Variants in SMG6 observed in about 807,000 individuals in gnomAD.
SMG6 encodes the protein SMG6 nonsense mediated mRNA decay factor, also known as telomerase-binding protein EST1A.
In SMG6, 66 loss-of-function variants were observed where a neutral mutation model predicts 142.2. The ratio of observed to expected loss-of-function variants is 0.46; its 90% CI spans 0.38 to 0.57. The LOEUF is 0.57. Ranked by LOEUF, SMG6 falls within the 20% of genes least tolerant of loss-of-function variation. The probability of loss-of-function intolerance (pLI) is 0.00; values close to 1 mark genes in which losing one functional copy is unlikely to be tolerated. For synonymous variants in SMG6, 779 were observed against 702.4 expected (o/e 1.11, Z -1.72); for missense variants, 1,793 against 1,832.0 (o/e 0.98, Z 0.39).
chr17:2,253,264 C>T (rs1007241337), intron 8 of SMG6, among the ~76,000 whole-genome samples: 2 of 152,018 alleles, frequency 1.3e-5, no homozygotes, highest in African/African-American at 4.8e-5. Context: ...GCCTCAGCCT[C>T]CTGAGCAGCT....
At chr17:2,098,725 T>G (rs2068925220) in intron 13 of SMG6, among the ~76,000 whole-genome samples, 1 of 151,886 alleles carries the variant, frequency 6.6e-6, no homozygotes, top group Admixed American at 6.5e-5. Flanking sequence ...CTGCCTCCTG[T>G]GTTCAAGTGA....
chr17:2,199,313 G>C (rs924040279), intron 10 of SMG6, among the ~76,000 whole-genome samples: 2 of 152,054 alleles, frequency 1.3e-5, no homozygotes, highest in African/African-American at 4.8e-5. Context: ...GTGTTGCTTT[G>C]GATTATCAAT....
intron 11 of SMG6, among the ~76,000 whole-genome samples, chr17:2,188,112 A>T (rs2072047233): frequency 6.6e-6 from 1 of 152,224 alleles, no homozygotes; most frequent in South Asian, 2.1e-4. Flanking sequence ...GGTTTCCTGA[A>T]GATGCAGGAA....
intron 8 of SMG6, among the ~76,000 whole-genome samples, chr17:2,277,374 G>C (rs1017204218): frequency 4.6e-5 from 7 of 151,754 alleles, no homozygotes; most frequent in Non-Finnish European, 1.0e-4. Context: ...CACCGTGTTA[G>C]CCAGGATGGT....
intron 9 of SMG6, among the ~76,000 whole-genome samples, chr17:2,238,462 C>T (rs1415953516): frequency 3.3e-5 from 5 of 152,122 alleles, no homozygotes. Context: ...TTTTTCCCCA[C>T]GGGCTCTAAC....
chr17:2,194,656 C>T (rs867160307), intron 10 of SMG6, among the ~76,000 whole-genome samples: 3 of 151,068 alleles, frequency 2.0e-5, no homozygotes, highest in Middle Eastern at 3.2e-3. Flanking sequence ...TCAAGACCAG[C>T]CTGAGCAACA....
intron 13 of SMG6, among the ~76,000 whole-genome samples, chr17:2,157,300 CAG>C (rs1360927295): frequency 1.3e-5 from 2 of 152,212 alleles, no homozygotes; most frequent in Non-Finnish European, 2.9e-5. Flanking sequence ...ACAAAGCAGA[CAG>C]ACTCTAACCA....
intron 12 of SMG6, among the ~76,000 whole-genome samples, chr17:2,183,745 GAC>G (rs56210030): frequency 0.17 from 25,296 of 145,606 alleles, 2,352 homozygotes; most frequent in Non-Finnish European, 0.2. Context: ...AGGTGCGTGC[GAC>G]ACACACACAC....
chr17:2,217,866 C>G (rs868699840), intron 10 of SMG6, among the ~76,000 whole-genome samples: 1 of 151,818 alleles, frequency 6.6e-6, no homozygotes, highest in African/African-American at 2.4e-5. Context: ...AAAAATCAGC[C>G]GGGTGTGGTG....
chr17:2,101,494 T>C (rs2069005789), intron 13 of SMG6: 1 of 152,196 alleles, frequency 6.6e-6, no homozygotes, highest in South Asian at 2.1e-4. Context: ...ATGAGGAAAC[T>C]AAAATTCAAA....
intron 10 of SMG6, among the ~76,000 whole-genome samples, chr17:2,223,188 CCT>C (rs2073226045): frequency 6.6e-6 from 1 of 152,220 alleles, no homozygotes; most frequent in South Asian, 2.1e-4. Context: ...CAGCTCCTCC[CCT>C]CTTTCAACCA....
chr17:2,093,555 G>A (rs2068780330), intron 13 of SMG6, among the ~76,000 whole-genome samples: 1 of 152,138 alleles, frequency 6.6e-6, no homozygotes, highest in Non-Finnish European at 1.5e-5. Context: ...AGGTGGGAGG[G>A]GCACTGCCTA....
rs1358631089 is a variant in SMG6 at position 2,085,721 on chromosome 17, G to C, written c.3534+4C>G. 3 of 1,612,428 alleles carry C rather than the reference G, an allele frequency of 1.9e-6. No individual in the cohort carries two copies. The highest frequency in any genetic ancestry group is 1.7e-4 in the Middle Eastern group (1 of 5,968). On this transcript the variant is annotated splice_donor_region_variant and intron_variant, in intron 14 of 18. Transcript: ENST00000263073. The surrounding 1 kb of genome is among the most constrained non-coding windows in gnomAD (Gnocchi z 4.1). ...TGCCACAGCGGGCTCTTCCCGCATA[G>C]TACCTCATCTTCCAGTCGTGTTCCC...
intron 13 of SMG6, among the ~76,000 whole-genome samples, chr17:2,096,036 G>A (rs186411851): frequency 3.4e-4 from 52 of 152,138 alleles, no homozygotes; most frequent in Middle Eastern, 6.8e-3. Flanking sequence ...TTCCCTCATC[G>A]TCTTTTAAGC....
chr17:2,161,412 A>ATT (rs200153348), intron 13 of SMG6, among the ~76,000 whole-genome samples: 3 of 143,984 alleles, frequency 2.1e-5, no homozygotes, highest in African/African-American at 5.2e-5. Context: ...GCCTTTATTT[A>ATT]TTTATTTTTT....
intron 13 of SMG6, among the ~76,000 whole-genome samples, chr17:2,102,659 C>G (rs1399224542): frequency 2.0e-5 from 3 of 150,232 alleles, no homozygotes. Flanking sequence ...TTGTGAGTGA[C>G]CACGTCTGAC....
chr17:2,077,692 C>T (rs576332477), intron 15 of SMG6, among the ~76,000 whole-genome samples: 6 of 152,272 alleles, frequency 3.9e-5, no homozygotes, highest in East Asian at 3.9e-4. Context: ...GTTTAAGAGA[C>T]GGGGTTTTGC....
intron 12 of SMG6, among the ~76,000 whole-genome samples, chr17:2,181,056 C>G (rs1191230664): frequency 6.6e-6 from 1 of 152,146 alleles, no homozygotes; most frequent in Non-Finnish European, 1.5e-5. Flanking sequence ...TTGGCATCTA[C>G]AGAACCATTG....
chr17:2,124,187 C>T (rs921811281), intron 13 of SMG6, among the ~76,000 whole-genome samples: 11 of 152,176 alleles, frequency 7.2e-5, no homozygotes, highest in African/African-American at 2.4e-4. Flanking sequence ...AAGTGGTTGG[C>T]AGAGGCATTT....
Sources: gnomAD v4.1 joint callset for allele counts (sites outside exome capture counted in the v4.1 genomes callset) on GRCh38, gnomAD v4.1.1 for gene constraint, Gnocchi (gnomAD v3.1) non-coding constraint, MANE v1.5 for transcripts, NCBI Gene and HGNC (gene_info 2026-07-23, HGNC 2026-07-21) for gene names.